The following SAMD4A variants were observed in gnomAD, a reference collection of about 807,000 sequenced individuals.
SAMD4A encodes sterile alpha motif domain containing 4A.
Under a neutral mutation model 81.3 loss-of-function variants are expected in SAMD4A, and 33 were observed. The ratio of observed to expected loss-of-function variants is 0.41; its 90% CI spans 0.31 to 0.54. SAMD4A has a LOEUF of 0.54. Ranked by LOEUF, SAMD4A falls within the 20% of genes least tolerant of loss-of-function variation. The pLI, the probability that SAMD4A is intolerant of heterozygous loss-of-function variation, is 0.37. For synonymous variants in SAMD4A, 389 were observed against 382.1 expected (o/e 1.02, Z -0.21); for missense variants, 854 against 951.1 (o/e 0.90, Z 1.34).
At chr14:54,573,902 C>T (rs932677533) in intron 2 of SAMD4A, among the ~76,000 whole-genome samples, 1 of 152,234 alleles carries the variant, frequency 6.6e-6, no homozygotes, top group East Asian at 1.9e-4. Flanking sequence ...CATGGGATTC[C>T]CTGGAACCCG....
chr14:54,708,909 T>C (rs945891111), intron 3 of SAMD4A, among the ~76,000 whole-genome samples: 1 of 152,146 alleles, frequency 6.6e-6, no homozygotes, highest in Non-Finnish European at 1.5e-5. Flanking sequence ...GGCCACATGC[T>C]AGATTTTGGA....
At chr14:54,588,431 G>C (rs1223309857) in intron 2 of SAMD4A, among the ~76,000 whole-genome samples, 1 of 151,710 alleles carries the variant, frequency 6.6e-6, no homozygotes, top group East Asian at 1.9e-4. Flanking sequence ...GCTGGGTTTG[G>C]GTTTGGATTG....
At chr14:54,641,139 G>T (rs1000231258) in intron 2 of SAMD4A, among the ~76,000 whole-genome samples, 1 of 152,110 alleles carries the variant, frequency 6.6e-6, no homozygotes, top group African/African-American at 2.4e-5. Flanking sequence ...AACTCTCTAG[G>T]CTTTAACTTG....
At chr14:54,755,112 A>G (rs1231152206) in intron 6 of SAMD4A, among the ~76,000 whole-genome samples, 1 of 152,204 alleles carries the variant, frequency 6.6e-6, no homozygotes. Flanking sequence ...AGGAAACTAT[A>G]GCAAGTCTTG....
chr14:54,736,985 G>A (rs10133272), intron 3 of SAMD4A, 39 bp from the exon 4 acceptor site: 21 of 1,604,902 alleles, frequency 1.3e-5, no homozygotes, highest in East Asian at 8.9e-5. Context: ...CAGGATAAAG[G>A]GGGGGGAATA....
chr14:54,751,793 C>T (rs1279424724), intron 6 of SAMD4A, among the ~76,000 whole-genome samples: 1 of 152,220 alleles, frequency 6.6e-6, no homozygotes, highest in African/African-American at 2.4e-5. Context: ...TGATGAAGTG[C>T]TGTCAAATGC....
chr14:54,753,138 C>G (rs1218007161), intron 6 of SAMD4A, among the ~76,000 whole-genome samples: 3 of 152,244 alleles, frequency 2.0e-5, no homozygotes, highest in South Asian at 2.1e-4. Context: ...AAGAGGCTTT[C>G]CTCTTTTACT....
chr14:54,697,372 A>G (rs1468163118), intron 2 of SAMD4A, among the ~76,000 whole-genome samples: 1 of 152,222 alleles, frequency 6.6e-6, no homozygotes, highest in Non-Finnish European at 1.5e-5. Context: ...GCAGGCCTCC[A>G]CAGGAAGCCA....
intron 2 of SAMD4A, among the ~76,000 whole-genome samples, chr14:54,611,612 C>T (rs2034357285): frequency 6.6e-6 from 1 of 152,188 alleles, no homozygotes; most frequent in Non-Finnish European, 1.5e-5. Flanking sequence ...CGCAGTGGCT[C>T]ATGCCTGTAA....
intron 2 of SAMD4A, among the ~76,000 whole-genome samples, chr14:54,623,531 A>ATAAAAGAT (rs2034672405): frequency 1.4e-5 from 2 of 144,806 alleles, no homozygotes; most frequent in South Asian, 4.7e-4. Flanking sequence ...GAGGAAAGGT[A>ATAAAAGAT]TAAAAGATTA....
intron 3 of SAMD4A, among the ~76,000 whole-genome samples, chr14:54,706,273 T>G (rs1356930016): frequency 2.2e-5 from 2 of 92,946 alleles, no homozygotes; most frequent in Non-Finnish European, 4.1e-5. Context: ...AGAGCAAGAC[T>G]TAGTCTCAAA....
intron 2 of SAMD4A, among the ~76,000 whole-genome samples, chr14:54,618,571 A>C (rs1345255818): frequency 2.0e-5 from 3 of 152,214 alleles, no homozygotes; most frequent in Admixed American, 6.5e-5. Flanking sequence ...TGAAGAATTT[A>C]AGTCAAGTTT....
At chr14:54,569,456 T>C (rs904773396) in intron 2 of SAMD4A, among the ~76,000 whole-genome samples, 2 of 152,174 alleles carry the variant, frequency 1.3e-5, no homozygotes, top group African/African-American at 2.4e-5. Context: ...TGGCCAAGTA[T>C]GGAGGGCCAC....
chr14:54,777,955 A>T (rs2038901434), intron 11 of SAMD4A, among the ~76,000 whole-genome samples: 1 of 152,160 alleles, frequency 6.6e-6, no homozygotes, highest in Non-Finnish European at 1.5e-5. Context: ...TGAAGGCTTT[A>T]TCCCAGGGTC....
At chr14:54,772,383 C>G (rs1307780906) in intron 9 of SAMD4A, among the ~76,000 whole-genome samples, 1 of 152,200 alleles carries the variant, frequency 6.6e-6, no homozygotes. Flanking sequence ...ACTCTGGTTG[C>G]CAGCAGTGGC....
intron 2 of SAMD4A, among the ~76,000 whole-genome samples, chr14:54,606,227 G>A (rs1211777139): frequency 2.6e-5 from 4 of 151,728 alleles, no homozygotes; most frequent in African/African-American, 4.8e-5. Context: ...GCACGTGCAC[G>A]TGCACGTGTG....
intron 10 of SAMD4A, 113 bp downstream of exon 10, chr14:54,775,248 G>T: frequency 8.7e-7 from 1 of 1,152,066 alleles, no homozygotes; most frequent in Non-Finnish European, 1.3e-6. Context: ...ACTATGCTGG[G>T]GGCAGTTGCC....
chr14:54,586,618 G>A (rs564787942), intron 2 of SAMD4A, among the ~76,000 whole-genome samples: 1 of 152,118 alleles, frequency 6.6e-6, no homozygotes, highest in African/African-American at 2.4e-5. Flanking sequence ...TGAGAGATGA[G>A]GATCCAGTTT....
chr14:54,598,377 C>T (rs576637838), intron 2 of SAMD4A, among the ~76,000 whole-genome samples: 1 of 152,218 alleles, frequency 6.6e-6, no homozygotes, highest in African/African-American at 2.4e-5. Context: ...TGTATGCATC[C>T]TATTTTATAA....
Sources: gnomAD v4.1 joint callset for allele counts (sites outside exome capture counted in the v4.1 genomes callset) on GRCh38, gnomAD v4.1.1 for gene constraint, MANE v1.5 for transcripts, NCBI Gene and HGNC (gene_info 2026-07-23, HGNC 2026-07-21) for gene names.